Variants in NR2C2 observed in about 807,000 individuals in gnomAD.
NR2C2 encodes nuclear receptor subfamily 2 group C member 2.
In NR2C2, 6 loss-of-function variants were observed where a neutral mutation model predicts 62.9. The observed-to-expected ratio is 0.10, with a 90% CI of 0.05 to 0.19. NR2C2 has a LOEUF of 0.19. Among genes scored for constraint, NR2C2 ranks in the 10% least tolerant of loss-of-function variants. NR2C2 has a pLI of 1.00. For missense variants in NR2C2, 479 were observed against 762.7 expected (o/e 0.63, Z 4.38); for synonymous variants, 272 against 273.8 (o/e 0.99, Z 0.07).
chr3:15,011,980 C>G (rs2041367428), intron 2 of NR2C2, among the ~76,000 whole-genome samples: 1 of 152,194 alleles, frequency 6.6e-6, no homozygotes, highest in Non-Finnish European at 1.5e-5. Context: ...AGTTCATGGT[C>G]TGCTTCCCCC....
At chr3:15,000,710 A>C (rs974658322) in intron 1 of NR2C2, among the ~76,000 whole-genome samples, 1 of 152,212 alleles carries the variant, frequency 6.6e-6, no homozygotes, top group Non-Finnish European at 1.5e-5. Context: ...TATGCAAAAA[A>C]GCACCTGAAA....
At chr3:14,970,374 C>G (rs1427382519) in intron 1 of NR2C2, among the ~76,000 whole-genome samples, 5 of 152,016 alleles carry the variant, frequency 3.3e-5, no homozygotes, top group Non-Finnish European at 4.4e-5. Flanking sequence ...GTGTGGAGTT[C>G]TTTGGCATTA....
intron 12 of NR2C2, chr3:15,038,822 AG>A (rs1190728170): frequency 3.7e-6 from 1 of 269,564 alleles, no homozygotes; most frequent in East Asian, 6.6e-5. Flanking sequence ...TTTATGTGAT[AG>A]TTTTTAAAAC....
chr3:14,993,427 C>T (rs2040725510), intron 1 of NR2C2, among the ~76,000 whole-genome samples: 2 of 150,728 alleles, frequency 1.3e-5, no homozygotes, highest in Admixed American at 6.6e-5. Flanking sequence ...GCACTCCAGC[C>T]TGGGCGACAG....
intron 2 of NR2C2, among the ~76,000 whole-genome samples, chr3:15,006,798 G>A (rs529274323): frequency 6.3e-4 from 94 of 148,480 alleles, no homozygotes; most frequent in Non-Finnish European, 1.2e-3. Context: ...TTTTTTTAAA[G>A]GCATTTCGCT....
rs1352291324 is a variant in NR2C2 at position 15,048,537 on chromosome 3, T to C, written c.*5529T>C. On this transcript the variant is annotated 3_prime_UTR_variant, in exon 14 of 14. Coordinates refer to ENST00000425241, the MANE Select transcript of NR2C2 (RefSeq NM_001291694.2). ...TAGAAAAAAAATGTTCAACATTTAT[T>C]GATTGATAGACTGTTAAAATTTAAT... 6.6e-6 allele frequency: 1 copy of C among 152,442 alleles called. No homozygotes were observed. Among genetic ancestry groups the C allele is most frequent in the Non-Finnish European group, 1.5e-5 (1 of 68,044 alleles). The allele number at this position is 152,442 out of a possible 1,614,324, so 9.4% of individuals were successfully genotyped here. A position where few individuals can be genotyped will look rare whatever the true frequency, so the allele number is the denominator to read the frequency against.
intron 1 of NR2C2, among the ~76,000 whole-genome samples, chr3:14,949,839 G>A (rs2039293428): frequency 6.6e-6 from 1 of 152,178 alleles, no homozygotes; most frequent in Admixed American, 6.5e-5. Context: ...TTCTCTGTGT[G>A]TGAGTTCTCT....
At chr3:15,025,999 T>C in intron 7 of NR2C2, 1 of 152,606 alleles carries the variant, frequency 6.6e-6, no homozygotes, top group Non-Finnish European at 1.5e-5. Context: ...TGAGTATATC[T>C]CTGGCTTTCT....
chr3:14,979,955 C>A (rs2040316505), intron 1 of NR2C2, among the ~76,000 whole-genome samples: 1 of 152,078 alleles, frequency 6.6e-6, no homozygotes, highest in Non-Finnish European at 1.5e-5. Flanking sequence ...CAGTCAGTTC[C>A]TGCCCTGACA....
intron 13 of NR2C2, chr3:15,042,581 G>A (rs149822165): frequency 4.5e-5 from 16 of 357,082 alleles, no homozygotes; most frequent in African/African-American, 2.9e-4. Context: ...TCTCTTGGTG[G>A]TGGGGGTGAG....
intron 11 of NR2C2, among the ~76,000 whole-genome samples, chr3:15,035,203 G>A (rs2042075392): frequency 6.6e-6 from 1 of 152,208 alleles, no homozygotes; most frequent in Non-Finnish European, 1.5e-5. Flanking sequence ...TGAGGCAGGA[G>A]GATTGCTTGA....
intron 1 of NR2C2, among the ~76,000 whole-genome samples, chr3:14,992,778 A>AT (rs1185424146): frequency 6.6e-6 from 1 of 152,230 alleles, no homozygotes; most frequent in Admixed American, 6.5e-5. Context: ...CCCTCTAAGT[A>AT]TGAGTTTGGA....
chr3:15,006,577 T>C (rs548267073), intron 2 of NR2C2, among the ~76,000 whole-genome samples: 16 of 152,234 alleles, frequency 1.1e-4, no homozygotes, highest in African/African-American at 3.9e-4. Flanking sequence ...GGGATTCTCA[T>C]TGTACTCAGA....
At chr3:14,959,918 GA>G (rs2039644020) in intron 1 of NR2C2, among the ~76,000 whole-genome samples, 1 of 152,156 alleles carries the variant, frequency 6.6e-6, no homozygotes, top group East Asian at 1.9e-4. Flanking sequence ...GATCAGTGGG[GA>G]AAAGGATAGA....
chr3:15,046,668 G>A lies in NR2C2; in HGVS notation c.*3660G>A, dbSNP rs749729709. The A allele has an allele frequency of 6.6e-6, 1 of 152,360 alleles. No homozygotes were observed. The highest frequency in any genetic ancestry group is 6.5e-5 in the Admixed American group (1 of 15,280). The allele number at this position is 152,360 out of a possible 1,614,324, so 9.4% of individuals were successfully genotyped here. ...CACTTTCCAGTGTAAATGACTTTATGTGCAATGGGGTCATAGGTAACATTT... is the reference window on the plus strand; with the variant it reads ...CACTTTCCAGTGTAAATGACTTTATATGCAATGGGGTCATAGGTAACATTT... On this transcript the variant is annotated 3_prime_UTR_variant, in exon 14 of 14. Coordinates refer to ENST00000425241, the MANE Select transcript of NR2C2 (RefSeq NM_001291694.2).
intron 1 of NR2C2, among the ~76,000 whole-genome samples, chr3:14,984,695 G>A (rs2040468043): frequency 6.6e-6 from 1 of 152,166 alleles, no homozygotes; most frequent in African/African-American, 2.4e-5. Context: ...ACCTGTTGAT[G>A]GACATTTGGG....
intron 1 of NR2C2, among the ~76,000 whole-genome samples, chr3:14,985,700 A>G (rs1349540694): frequency 6.6e-6 from 1 of 152,190 alleles, no homozygotes; most frequent in African/African-American, 2.4e-5. Flanking sequence ...CATATTTTAT[A>G]GATTAGAGCT....
chr3:14,985,017 A>G (rs2040476506), intron 1 of NR2C2, among the ~76,000 whole-genome samples: 1 of 152,012 alleles, frequency 6.6e-6, no homozygotes, highest in South Asian at 2.1e-4. Context: ...TTTAATTTGC[A>G]TTTCTCTGAT....
chr3:15,048,351 A>G lies in NR2C2; in HGVS notation c.*5343A>G, dbSNP rs2042529242. On this transcript the variant is annotated 3_prime_UTR_variant, in exon 14 of 14. Coordinates refer to ENST00000425241, the MANE Select transcript of NR2C2 (RefSeq NM_001291694.2). ...CAATTGGAAACTTGACAGTCTCTAA[A>G]TGAATTAAAAGTTTCCTTTGGGGCT... 6.5e-6 allele frequency: 1 copy of G among 152,680 alleles called. No individual in the cohort carries two copies. The highest frequency in any genetic ancestry group is 2.4e-5 in the African/African-American group (1 of 41,462). The allele number at this position is 152,680 out of a possible 1,614,324, so 9.5% of individuals were successfully genotyped here.
Sources: gnomAD v4.1 joint callset for allele counts (sites outside exome capture counted in the v4.1 genomes callset) on GRCh38, gnomAD v4.1.1 for gene constraint, MANE v1.5 for transcripts, NCBI Gene and HGNC (gene_info 2026-07-23, HGNC 2026-07-21) for gene names.